SNX3: variants seen among roughly 807,000 people sequenced by gnomAD.
SNX3 encodes the protein sorting nexin 3.
SNX3 carries 5 observed loss-of-function variants against 17.7 expected under a neutral mutation model. That is an observed-to-expected ratio of 0.28 (90% CI 0.15 to 0.59). The LOEUF is 0.59. Among genes scored for constraint, SNX3 ranks in the 20% least tolerant of loss-of-function variants. The pLI is 0.88. For missense variants in SNX3, 132 were observed against 206.8 expected, an observed-to-expected ratio of 0.64 and a Z score of 2.22; for synonymous variants, 91 against 76.5, an observed-to-expected ratio of 1.19 and a Z score of -0.99.
At chr6:108,236,126 T>C (rs1459303076) in intron 1 of SNX3, among the ~76,000 whole-genome samples, 3 of 152,074 alleles carry the variant, frequency 2.0e-5, no homozygotes, top group Non-Finnish European at 4.4e-5. Context: ...AAATAAAAAC[T>C]GTAATTGAAG....
At chr6:108,233,104 A>G (rs1258965336) in intron 1 of SNX3, among the ~76,000 whole-genome samples, 4 of 152,262 alleles carry the variant, frequency 2.6e-5, no homozygotes, top group African/African-American at 7.2e-5. Context: ...AGAATAAATT[A>G]TCTAGACTAG....
At chr6:108,242,154 A>G (rs1333339270) in intron 1 of SNX3, among the ~76,000 whole-genome samples, 5 of 152,194 alleles carry the variant, frequency 3.3e-5, no homozygotes, top group Non-Finnish European at 7.3e-5. Context: ...GAAAAGCAGA[A>G]AGAAAGAAAA....
intron 1 of SNX3, among the ~76,000 whole-genome samples, chr6:108,234,654 G>A (rs1050790554): frequency 6.6e-6 from 1 of 152,100 alleles, no homozygotes. Flanking sequence ...ATATTGACTT[G>A]TAGATACTCC....
rs115121159 is a variant in SNX3, at chr6:108,237,337, T to C, written c.163-14292A>G. ...CAGAGTTTGTAAGAAAAGGATATCA[T>C]TCCAGATCCTTTATCTCTAGCCCTC... On this transcript the variant is annotated intron_variant, in intron 1 of 3. Transcript: ENST00000230085. Among the ~76,000 whole-genome samples the C allele has an allele frequency of 3.7e-3, 571 of 152,306 alleles. 4 individuals are homozygous for C. Among genetic ancestry groups the C allele is most frequent in the African/African-American group, 0.013 (543 of 41,564 alleles).
intron 1 of SNX3, among the ~76,000 whole-genome samples, chr6:108,260,440 G>A (rs1307844910): frequency 2.0e-5 from 3 of 152,230 alleles, no homozygotes; most frequent in East Asian, 1.9e-4. Flanking sequence ...TCCCAGCGAA[G>A]GGATGTGTTC....
At chr6:108,224,859 T>C (rs1206877684) in intron 1 of SNX3, among the ~76,000 whole-genome samples, 1 of 152,186 alleles carries the variant, frequency 6.6e-6, no homozygotes, top group Non-Finnish European at 1.5e-5. Flanking sequence ...TACACTGGAA[T>C]GTAAGAAAAT....
chr6:108,238,959 T>C (rs1775436764), intron 1 of SNX3, among the ~76,000 whole-genome samples: 2 of 151,764 alleles, frequency 1.3e-5, no homozygotes, highest in Non-Finnish European at 1.5e-5. Flanking sequence ...TGGAGTGCCA[T>C]GTGCAATCTC....
intron 2 of SNX3, among the ~76,000 whole-genome samples, chr6:108,221,580 C>A (rs1215064546): frequency 9.0e-6 from 1 of 111,566 alleles, no homozygotes; most frequent in Non-Finnish European, 1.7e-5. Context: ...GGGCCTGGCT[C>A]TGGTGCCCAT....
At chr6:108,251,267 A>G (rs1369044738) in intron 1 of SNX3, among the ~76,000 whole-genome samples, 3 of 152,168 alleles carry the variant, frequency 2.0e-5, no homozygotes, top group African/African-American at 7.2e-5. Context: ...TTGCAAATCA[A>G]ATGAACTTAC....
chr6:108,223,494 GTTCT>G lies in SNX3; in HGVS notation c.163-453_163-450del, dbSNP rs1367874858. Among the ~76,000 whole-genome samples, 196 of 99,336 alleles carry G rather than the reference GTTCT, an allele frequency of 2.0e-3. 3 individuals carry two copies. The highest frequency in any genetic ancestry group is 8.9e-3 in the African/African-American group (179 of 20,204). 65.2% of individuals were successfully genotyped at this position (99,336 alleles called of 152,430 possible). ...CCCATAACAAAATAAAACTTTGCTA[GTTCT>G]TTTTTTTTTTTTTTTTTTTTTTTTT... On this transcript the variant is annotated intron_variant, in intron 1 of 3. Coordinates refer to ENST00000230085, the MANE Select transcript of SNX3 (RefSeq NM_003795.6).
At chr6:108,251,261 A>G (rs1307982854) in intron 1 of SNX3, among the ~76,000 whole-genome samples, 1 of 152,206 alleles carries the variant, frequency 6.6e-6, no homozygotes, top group Non-Finnish European at 1.5e-5. Flanking sequence ...TATTTCTTGC[A>G]AATCAAATGA....
intron 1 of SNX3, among the ~76,000 whole-genome samples, chr6:108,252,903 G>T (rs555674522): frequency 3.9e-5 from 6 of 152,104 alleles, no homozygotes. Flanking sequence ...CTCCCAAAGC[G>T]CTGGGATTAC....
intron 1 of SNX3, among the ~76,000 whole-genome samples, chr6:108,254,492 C>T (rs1775974941): frequency 6.6e-6 from 1 of 151,988 alleles, no homozygotes. Context: ...CTCTGAAGGT[C>T]CGAAAATCTA....
intron 1 of SNX3, among the ~76,000 whole-genome samples, chr6:108,252,006 A>C (rs1308301659): frequency 1.3e-5 from 2 of 151,952 alleles, no homozygotes; most frequent in East Asian, 3.9e-4. Context: ...CAGAGGCTGC[A>C]GTAAGCTGAG....
At position 108,212,175 on chromosome 6, in the gene SNX3, T is replaced by A. The variant is rs1393526152; in HGVS notation, c.463A>T (p.Thr155Ser). 1.9e-6 allele frequency: 3 copies of A among 1,608,072 alleles called. No individual in the cohort carries two copies. The highest frequency in any genetic ancestry group is 2.5e-6 in the Non-Finnish European group (3 of 1,177,020). Reference protein sequence around the residue: ...LQDEIIDKSYTPSKIRHA With the variant: ...LQDEIIDKSYSPSKIRHA ...CAGGCATGTCTTATTTTAGATGGAG[T>A]ATAGCTTTTATCTATTATTTCATCT... is the stretch of plus-strand genomic sequence containing the variant. Residue 155 changes from threonine (T) to serine (S), a missense_variant, in exon 4 of 4, where the codon ACT becomes TCT. Around this residue, in one of 2 missense-constraint regions of SNX3, gnomAD observed 54 missense variants for 118.0 expected, o/e 0.46. Coordinates refer to ENST00000230085, the MANE Select transcript of SNX3 (RefSeq NM_003795.6).
At chr6:108,242,642 C>T (rs970916264) in intron 1 of SNX3, among the ~76,000 whole-genome samples, 1 of 152,170 alleles carries the variant, frequency 6.6e-6, no homozygotes, top group African/African-American at 2.4e-5. Context: ...TGAGTGAGGC[C>T]TATGAATGCA....
In SNX3 at chr6:108,214,670, A is replaced by C. The variant is rs750911049; in HGVS notation, c.259-48T>G. 36 of 1,583,558 alleles carry C rather than the reference A, an allele frequency of 2.3e-5. No homozygotes were observed. In the South Asian group the frequency reaches 3.9e-4, roughly 17 times the overall value. ...CCTTGATCATGATGACTGGGTTGTG[A>C]AAATTTATAGAGCACAACATGAAGA... is the stretch of plus-strand genomic sequence containing the variant. On this transcript the variant is annotated intron_variant, in intron 2 of 3. Coordinates refer to ENST00000230085, the MANE Select transcript of SNX3 (RefSeq NM_003795.6).
intron 1 of SNX3, among the ~76,000 whole-genome samples, chr6:108,235,722 C>A (rs983851459): frequency 6.6e-6 from 1 of 152,074 alleles, no homozygotes; most frequent in Non-Finnish European, 1.5e-5. Context: ...ATGGTAAAAC[C>A]TCGTCTCTAC....
Position 108,211,914 on chromosome 6 carries a change from C to T in SNX3, c.*235G>A, listed in dbSNP as rs943791802. 7.6e-6 allele frequency: 3 copies of T among 395,912 alleles called. No individual in the cohort carries two copies. The allele number at this position is 395,912 out of a possible 1,614,324, so 24.5% of individuals were successfully genotyped here. A position where few individuals can be genotyped will look rare whatever the true frequency, so the allele number is the denominator to read the frequency against. On this transcript the variant is annotated 3_prime_UTR_variant, in exon 4 of 4. Transcript: ENST00000230085. ...CAGGTTTGTGAGGCTATAGTGTGCA[C>T]CACATTAAAACAGCAAGAAAGAGCT...
Sources: gnomAD v4.1 joint callset for allele counts (sites outside exome capture counted in the v4.1 genomes callset) on GRCh38, gnomAD v4.1.1 for gene constraint, gnomAD v4.1.1 regional missense constraint, MANE v1.5 for transcripts, NCBI Gene and HGNC (gene_info 2026-07-23, HGNC 2026-07-21) for gene names.